Variants in FGGY observed in about 807,000 individuals in gnomAD.
FGGY encodes FGGY carbohydrate kinase domain-containing protein.
Under a neutral mutation model 71.3 loss-of-function variants are expected in FGGY, and 72 were observed. The observed-to-expected ratio is 1.01, with a 90% confidence interval of 0.84 to 1.23. FGGY has a LOEUF of 1.23. Among genes scored for constraint, FGGY ranks in the 50% most tolerant of loss-of-function variants. FGGY has a pLI of 0.00. For synonymous variants in FGGY, 251 were observed against 250.3 expected, an observed-to-expected ratio of 1.00 and a Z score of -0.02; for missense variants, 668 against 682.3, an observed-to-expected ratio of 0.98 and a Z score of 0.23.
chr1:59,627,457 TA>T (rs2096867949), intron 10 of FGGY, among the ~76,000 whole-genome samples: 1 of 26,492 alleles, frequency 3.8e-5, no homozygotes, highest in Non-Finnish European at 1.0e-4. Context: ...TATGATTTTA[TA>T]TATATATATA....
At chr1:59,707,492 A>G (rs1282047025) in intron 14 of FGGY, among the ~76,000 whole-genome samples, 1 of 152,340 alleles carries the variant, frequency 6.6e-6, no homozygotes, top group East Asian at 1.9e-4. Context: ...CTTCATGTAA[A>G]AATTTGGAAA....
At chr1:59,620,471 TATG>T (rs1347417939) in intron 9 of FGGY, among the ~76,000 whole-genome samples, 14 of 151,986 alleles carry the variant, frequency 9.2e-5, no homozygotes, top group Admixed American at 9.2e-4. Flanking sequence ...TTTTCAATTT[TATG>T]ATCTCTGAAT....
chr1:59,676,735 G>A (rs1184768300), intron 14 of FGGY, among the ~76,000 whole-genome samples: 7 of 152,104 alleles, frequency 4.6e-5, no homozygotes, highest in Non-Finnish European at 7.4e-5. Flanking sequence ...GTAAAGACAA[G>A]CTCATGTCTC....
At chr1:59,678,379 A>G (rs1365291917) in intron 14 of FGGY, among the ~76,000 whole-genome samples, 2 of 152,212 alleles carry the variant, frequency 1.3e-5, no homozygotes, top group East Asian at 1.9e-4. Flanking sequence ...ACAAATAATT[A>G]TAATTAGAAG....
chr1:59,297,398 G>A (rs2042101959), intron 1 of FGGY, among the ~76,000 whole-genome samples: 1 of 152,206 alleles, frequency 6.6e-6, no homozygotes, highest in Non-Finnish European at 1.5e-5. Context: ...AGATTTAAAC[G>A]CTTCCAGCAC....
chr1:59,336,037 C>T (rs1398650629), intron 2 of FGGY, among the ~76,000 whole-genome samples: 1 of 151,940 alleles, frequency 6.6e-6, no homozygotes, highest in African/African-American at 2.4e-5. Flanking sequence ...GTGGGTCTTG[C>T]TTGCTTTTTA....
intron 2 of FGGY, among the ~76,000 whole-genome samples, chr1:59,322,392 C>A (rs1445801050): frequency 1.3e-5 from 2 of 151,706 alleles, no homozygotes; most frequent in Non-Finnish European, 1.5e-5. Flanking sequence ...GCACTCATCA[C>A]CCAAGCAGTG....
chr1:59,407,832 G>A (rs1419093918), intron 5 of FGGY, among the ~76,000 whole-genome samples: 1 of 152,186 alleles, frequency 6.6e-6, no homozygotes, highest in African/African-American at 2.4e-5. Context: ...AGAGCTGGAA[G>A]ACATTTTTGA....
chr1:59,753,467 A>AATATATATATATATAT (rs57074120), intron 14 of FGGY, among the ~76,000 whole-genome samples: 4 of 47,844 alleles, frequency 8.4e-5, no homozygotes, highest in African/African-American at 2.4e-4. Flanking sequence ...CATAACTTTA[A>AATATATATATATATAT]ATATATATAT....
At chr1:59,681,685 A>G (rs1331402639) in intron 14 of FGGY, among the ~76,000 whole-genome samples, 1 of 152,196 alleles carries the variant, frequency 6.6e-6, no homozygotes, top group Non-Finnish European at 1.5e-5. Context: ...AATAGCAATG[A>G]AATCCATGCT....
intron 1 of FGGY, among the ~76,000 whole-genome samples, chr1:59,317,551 G>T (rs2045669236): frequency 6.6e-6 from 1 of 152,184 alleles, no homozygotes; most frequent in Non-Finnish European, 1.5e-5. Context: ...CATAAGATTA[G>T]GAGTCTAGGA....
At chr1:59,479,271 G>T (rs192249054) in intron 6 of FGGY, among the ~76,000 whole-genome samples, 146 of 152,288 alleles carry the variant, frequency 9.6e-4, no homozygotes, top group African/African-American at 3.1e-3. Flanking sequence ...GTCAGAGTGT[G>T]GGGGGAGAGA....
In FGGY at chr1:59,327,853, C is replaced by T. The variant is rs186726728; in HGVS notation, c.201+6103C>T. Among the ~76,000 whole-genome samples, 242 of 152,262 alleles carry T rather than the reference C, an allele frequency of 1.6e-3. 1 individual carries two copies. Among genetic ancestry groups the T allele is most frequent in the African/African-American group, 5.6e-3 (232 of 41,546 alleles). ...TCTTCATCAGAACTCTTTGGTGACT[C>T]GGTGCATTGTCAATGAGGAGTAACA... On this transcript the variant is annotated intron_variant, in intron 2 of 15. Coordinates refer to ENST00000303721, the MANE Select transcript of FGGY (RefSeq NM_018291.5).
At chr1:59,651,754 T>A in intron 11 of FGGY, among the ~76,000 whole-genome samples, 1 of 150,742 alleles carries the variant, frequency 6.6e-6, no homozygotes, top group East Asian at 1.9e-4. Flanking sequence ...CCATTTACAT[T>A]TAAACTTAAT....
chr1:59,376,247 A>AG (rs1188183435), intron 4 of FGGY, among the ~76,000 whole-genome samples: 1 of 152,162 alleles, frequency 6.6e-6, no homozygotes, highest in Non-Finnish European at 1.5e-5. Context: ...AACATCTTAG[A>AG]ATGGGCGTTC....
At chr1:59,657,561 A>G (rs532575511) in intron 11 of FGGY, among the ~76,000 whole-genome samples, 1 of 151,970 alleles carries the variant, frequency 6.6e-6, no homozygotes, top group East Asian at 1.9e-4. Context: ...CAGCTCAGGG[A>G]TGTTCAGCTC....
chr1:59,741,703 G>A (rs748958335), intron 14 of FGGY, among the ~76,000 whole-genome samples: 12 of 152,176 alleles, frequency 7.9e-5, no homozygotes, highest in East Asian at 3.9e-4. Flanking sequence ...TTGGGAGGCC[G>A]AGGCAGGTGG....
chr1:59,341,749 A>C (rs1003982402), intron 3 of FGGY, among the ~76,000 whole-genome samples: 3 of 152,226 alleles, frequency 2.0e-5, no homozygotes, highest in Non-Finnish European at 4.4e-5. Context: ...AGCAGCAAGC[A>C]TTCACTAATT....
intron 6 of FGGY, among the ~76,000 whole-genome samples, chr1:59,507,985 T>C (rs1353893880): frequency 2.0e-5 from 3 of 152,102 alleles, no homozygotes; most frequent in East Asian, 1.9e-4. Flanking sequence ...TTTTGCGACA[T>C]ACTAAATGCC....
Sources: allele counts gnomAD v4.1 joint callset (sites outside exome capture counted in the v4.1 genomes callset), GRCh38; gene constraint gnomAD v4.1.1; transcripts MANE v1.5; gene names NCBI Gene and HGNC (gene_info 2026-07-23, HGNC 2026-07-21).